FARSB: variants seen among roughly 807,000 people sequenced by gnomAD.
FARSB encodes the protein phenylalanine--tRNA ligase beta subunit.
A neutral mutation model predicts 69.6 loss-of-function variants in FARSB; 40 were observed. That is an observed-to-expected ratio of 0.57 (90% CI 0.45 to 0.75). The LOEUF is 0.75. Among genes scored for constraint, FARSB ranks in the 30% least tolerant of loss-of-function variants. FARSB has a pLI of 0.00. For synonymous variants in FARSB, 235 were observed against 247.2 expected (o/e 0.95, Z 0.46); for missense variants, 632 against 722.9 (o/e 0.87, Z 1.44).
chr2:222,600,771 T>G (rs1008225962), intron 15 of FARSB, among the ~76,000 whole-genome samples: 1 of 152,178 alleles, frequency 6.6e-6, no homozygotes, highest in Non-Finnish European at 1.5e-5. Context: ...AGGCTAACAA[T>G]TACCCTAGGT....
intron 2 of FARSB, 49 bp from the exon 3 acceptor site, chr2:222,643,054 CT>C (rs767510322): frequency 1.6e-6 from 2 of 1,232,428 alleles, no homozygotes; most frequent in Non-Finnish European, 2.2e-6. Context: ...TTTAAACTCT[CT>C]TTAAAAAGTA....
At chr2:222,597,777 C>T (rs1690457889) in intron 16 of FARSB, among the ~76,000 whole-genome samples, 1 of 152,090 alleles carries the variant, frequency 6.6e-6, no homozygotes, top group South Asian at 2.1e-4. Context: ...TGCTAAAATC[C>T]CTTCCCACCA....
intron 5 of FARSB, among the ~76,000 whole-genome samples, chr2:222,636,039 C>T (rs1306974219): frequency 1.4e-5 from 2 of 146,914 alleles, no homozygotes; most frequent in African/African-American, 5.1e-5. Flanking sequence ...GTGATTGCAC[C>T]ACTGTAGTCC....
At chr2:222,615,528 G>A (rs1396915315) in intron 14 of FARSB, among the ~76,000 whole-genome samples, 3 of 152,204 alleles carry the variant, frequency 2.0e-5, no homozygotes, top group Non-Finnish European at 2.9e-5. Context: ...CAGCCACACT[G>A]GAGGCCACAC....
At chr2:222,636,953 A>G (rs900689989) in intron 5 of FARSB, among the ~76,000 whole-genome samples, 2 of 152,246 alleles carry the variant, frequency 1.3e-5, no homozygotes, top group East Asian at 3.8e-4. Context: ...TGATACTGCC[A>G]CATAGATTTT....
chr2:222,629,867 A>G (rs1301567782), intron 9 of FARSB, among the ~76,000 whole-genome samples: 3 of 152,098 alleles, frequency 2.0e-5, no homozygotes, highest in Non-Finnish European at 4.4e-5. Flanking sequence ...CAGTCTCCCC[A>G]ATAGCTAGGA....
intron 16 of FARSB, among the ~76,000 whole-genome samples, chr2:222,585,821 G>A (rs1455191476): frequency 1.3e-5 from 2 of 152,156 alleles, no homozygotes; most frequent in African/African-American, 4.8e-5. Context: ...AGAAAAAAGA[G>A]TAAAAAGAAA....
chr2:222,624,535 C>T (rs1411899041), intron 11 of FARSB, 56 bp from the exon 12 acceptor site: 6 of 1,230,510 alleles, frequency 4.9e-6, no homozygotes, highest in Non-Finnish European at 5.9e-6. Context: ...TTAATGTTTA[C>T]ATTGTGTTTC....
chr2:222,625,519 C>T (rs1414786491), intron 10 of FARSB, among the ~76,000 whole-genome samples: 3 of 152,216 alleles, frequency 2.0e-5, no homozygotes, highest in Admixed American at 2.0e-4. Context: ...ACTAGCATCA[C>T]CTGAGTGCTC....
chr2:222,567,501 C>T lies in FARSB; in HGVS notation c.*4370G>A, dbSNP rs1689653042. 1 of 152,218 alleles carries T rather than the reference C, an allele frequency of 6.6e-6. No individual in the cohort carries two copies. Among genetic ancestry groups the T allele is most frequent in the African/African-American group, 2.4e-5 (1 of 41,452 alleles). 9.4% of individuals were successfully genotyped at this position (152,218 alleles called of 1,614,324 possible). A position where few individuals can be genotyped will look rare whatever the true frequency, so the allele number is the denominator to read the frequency against. ...GAGAAGCAAGATTGTGAGTAATGTT[C>T]TCTCTTACCAAGCTGATGAGCCCAT... On this transcript the variant is annotated 3_prime_UTR_variant, in exon 17 of 17. Transcript: ENST00000281828.
rs1287503041 is a variant in FARSB, at chr2:222,566,971, T to C, written c.*4900A>G. 1 of 152,254 alleles carries C rather than the reference T, an allele frequency of 6.6e-6. No individual in the cohort carries two copies. Among genetic ancestry groups the C allele is most frequent in the Admixed American group, 6.5e-5 (1 of 15,284 alleles). 9.4% of individuals were successfully genotyped at this position (152,254 alleles called of 1,614,324 possible). A position where few individuals can be genotyped will look rare whatever the true frequency, so the allele number is the denominator to read the frequency against. ...TTTCAAGATCAAGGTGCCAGCAAAA[T>C]AGGTTTCATTCTGATCCCTCTCCTA... On this transcript the variant is annotated 3_prime_UTR_variant, in exon 17 of 17. Coordinates refer to ENST00000281828, the MANE Select transcript of FARSB (RefSeq NM_005687.5).
chr2:222,599,950 T>A lies in FARSB; in HGVS notation c.1596A>T (p.Gly532=). Residue 532 remains glycine, a synonymous_variant, in exon 16 of 17, where the codon GGA becomes GGT. Coordinates refer to ENST00000281828, the MANE Select transcript of FARSB (RefSeq NM_005687.5). ...TACCTTCTGATGCTTTGATCACATA[T>A]CCCCCCTTGTCTTCACCAGGAGGCA... is the stretch of plus-strand genomic sequence containing the variant. The part of the protein sequence containing the change: ...LDVPPGEDKG[G]YVIKASEGPA... The A allele has an allele frequency of 6.2e-7, 1 of 1,601,248 alleles. No individual in the cohort carries two copies. Among genetic ancestry groups the A allele is most frequent in the Non-Finnish European group, 8.5e-7 (1 of 1,177,010 alleles).
chr2:222,631,387 C>G (rs1166296850), intron 8 of FARSB, among the ~76,000 whole-genome samples: 1 of 152,174 alleles, frequency 6.6e-6, no homozygotes, highest in Non-Finnish European at 1.5e-5. Flanking sequence ...ATTCTTGGCA[C>G]TGGAAAGACA....
rs79883383 is a variant in FARSB, at chr2:222,601,225, C to T, written c.1463-1142G>A. Among the ~76,000 whole-genome samples, 489 of 152,264 alleles carry T rather than the reference C, an allele frequency of 3.2e-3. 2 individuals carry two copies. Among genetic ancestry groups the T allele is most frequent in the African/African-American group, 0.011 (465 of 41,548 alleles). On this transcript the variant is annotated intron_variant, in intron 15 of 16. Transcript: ENST00000281828. ...GTGCACATAGTTAACACTACTGTAA[C>T]TGTGCACCTCTAAAAGTTTACTAAA...
intron 15 of FARSB, among the ~76,000 whole-genome samples, chr2:222,604,703 A>T (rs937290565): frequency 2.0e-5 from 3 of 146,964 alleles, no homozygotes; most frequent in Non-Finnish European, 3.0e-5. Context: ...GTACAAGCAC[A>T]CATCACCATG....
intron 16 of FARSB, among the ~76,000 whole-genome samples, chr2:222,578,499 C>A (rs565668864): frequency 6.6e-6 from 1 of 152,314 alleles, no homozygotes; most frequent in East Asian, 1.9e-4. Context: ...ATTTTGATAG[C>A]TGTTTTAGTT....
chr2:222,619,220 C>T (rs1447453038), intron 14 of FARSB, among the ~76,000 whole-genome samples: 1 of 149,144 alleles, frequency 6.7e-6, no homozygotes, highest in Non-Finnish European at 1.5e-5. Context: ...GCAGCAGAAT[C>T]GCTTGAACCC....
intron 4 of FARSB, 92 bp from the exon 5 acceptor site, chr2:222,639,787 G>C: frequency 2.1e-6 from 1 of 480,104 alleles, no homozygotes; most frequent in Non-Finnish European, 3.7e-6. Flanking sequence ...CTTGCCACTG[G>C]CATACATTTT....
chr2:222,643,532 T>C (rs1258566768), intron 2 of FARSB, among the ~76,000 whole-genome samples: 2 of 151,238 alleles, frequency 1.3e-5, no homozygotes, highest in East Asian at 1.9e-4. Context: ...ACAACAAAAG[T>C]GTCAAAGGGG....
Sources: gnomAD v4.1 joint callset for allele counts (sites outside exome capture counted in the v4.1 genomes callset) on GRCh38, gnomAD v4.1.1 for gene constraint, MANE v1.5 for transcripts, NCBI Gene and HGNC (gene_info 2026-07-23, HGNC 2026-07-21) for gene names.